The following KCNMA1 variants were observed in gnomAD, a reference collection of about 807,000 sequenced individuals.
KCNMA1 encodes potassium calcium-activated channel subfamily M alpha 1.
KCNMA1 carries 29 observed loss-of-function variants against 140.0 expected under a neutral mutation model. The observed-to-expected ratio is 0.21, with a 90% confidence interval of 0.15 to 0.28. The LOEUF is 0.28. Among genes scored for constraint, KCNMA1 ranks in the 10% least tolerant of loss-of-function variants. KCNMA1 has a pLI of 1.00. For synonymous variants in KCNMA1, 612 were observed against 611.9 expected, an observed-to-expected ratio of 1.00 and a Z score of 0.00; for missense variants, 880 against 1,602.2, an observed-to-expected ratio of 0.55 and a Z score of 7.70.
rs1037291485 is a variant in KCNMA1, at chr10:76,910,234, T to C, written c.3017-138A>G. On this transcript the variant is annotated intron_variant, in intron 24 of 27. Coordinates refer to ENST00000286628, the MANE Select transcript of KCNMA1 (RefSeq NM_001161352.2). ...AAGCATGGAATAAGCTGTAGATGGA[T>C]CTTTGGGTAAGGGGGGCAGTGGGAC... 18 of 936,996 alleles carry C rather than the reference T, an allele frequency of 1.9e-5. No individual in the cohort carries two copies. The Admixed American group carries it at 3.6e-4, about 19-fold the overall frequency. The allele number at this position is 936,996 out of a possible 1,614,324, so 58.0% of individuals were successfully genotyped here.
At chr10:77,050,586 T>G (rs1247771) in intron 14 of KCNMA1, among the ~76,000 whole-genome samples, 142,925 of 152,236 alleles carry the variant, frequency 0.94, 67,212 homozygotes, top group African/African-American at 0.98. Flanking sequence ...GTCACCCAAG[T>G]GTCTTGGCAA....
chr10:77,324,004 T>C (rs1357981855), intron 2 of KCNMA1, among the ~76,000 whole-genome samples: 1 of 152,212 alleles, frequency 6.6e-6, no homozygotes, highest in Non-Finnish European at 1.5e-5. Flanking sequence ...TTACCAGATC[T>C]AATTTGGGAA....
intron 29 of KCNMA1, chr10:76,877,949 C>T: frequency 1.3e-6 from 2 of 1,534,976 alleles, no homozygotes; most frequent in South Asian, 2.3e-5. Context: ...TTAATTAGTC[C>T]TAGGGTAAAG....
intron 2 of KCNMA1, among the ~76,000 whole-genome samples, chr10:77,361,911 T>C (rs2093983184): frequency 6.6e-6 from 1 of 152,108 alleles, no homozygotes; most frequent in South Asian, 2.1e-4. Flanking sequence ...AAATGGGAGC[T>C]GGTGATATGG....
At chr10:77,104,330 G>C (rs2097158784) in intron 9 of KCNMA1, among the ~76,000 whole-genome samples, 1 of 152,238 alleles carries the variant, frequency 6.6e-6, no homozygotes, top group South Asian at 2.1e-4. Flanking sequence ...TTCACAGGCA[G>C]CTTTCTTGAA....
At chr10:77,078,598 C>T (rs532478390) in intron 13 of KCNMA1, among the ~76,000 whole-genome samples, 7 of 152,342 alleles carry the variant, frequency 4.6e-5, no homozygotes, top group African/African-American at 1.4e-4. Context: ...TCCCACATTA[C>T]ACTCTTACAG....
At chr10:76,924,437 T>C (rs2057044485) in intron 23 of KCNMA1, among the ~76,000 whole-genome samples, 1 of 152,222 alleles carries the variant, frequency 6.6e-6, no homozygotes, top group African/African-American at 2.4e-5. Flanking sequence ...CATTTTCTTT[T>C]TGGTTTCTAT....
rs538026624 is a variant in KCNMA1, at chr10:77,637,082, G to C, written c.378+183C>G. 4.3e-5 allele frequency: 57 copies of C among 1,336,350 alleles called. No homozygotes were observed. The South Asian group carries it at 7.9e-4, about 19-fold the overall frequency. The allele number at this position is 1,336,350 out of a possible 1,614,324, so 82.8% of individuals were successfully genotyped here. A position where few individuals can be genotyped will look rare whatever the true frequency, so the allele number is the denominator to read the frequency against. On this transcript the variant is annotated intron_variant, in intron 1 of 27. Transcript: ENST00000286628. The stretch of plus-strand genomic sequence containing the variant: ...GGCTGGGGGCAACTCCTCACCCCCG[G>C]CGCGCCGCCCGCTGCCCCGATCCGA...
intron 1 of KCNMA1, among the ~76,000 whole-genome samples, chr10:77,426,988 G>T (rs1449041103): frequency 6.6e-6 from 1 of 152,194 alleles, no homozygotes; most frequent in African/African-American, 2.4e-5. Flanking sequence ...AATGTACTTT[G>T]ATATCCTGTA....
At chr10:77,378,392 G>T (rs535551473) in intron 2 of KCNMA1, among the ~76,000 whole-genome samples, 1 of 152,218 alleles carries the variant, frequency 6.6e-6, no homozygotes, top group African/African-American at 2.4e-5. Flanking sequence ...ACCCTTCAGG[G>T]AGAGGAAGGA....
intron 2 of KCNMA1, among the ~76,000 whole-genome samples, chr10:77,307,826 G>C (rs933296882): frequency 2.0e-5 from 3 of 152,178 alleles, no homozygotes; most frequent in African/African-American, 7.2e-5. Flanking sequence ...TGGGATTACA[G>C]GCATGAGCCA....
intron 2 of KCNMA1, among the ~76,000 whole-genome samples, chr10:77,267,691 GA>G (rs2154276355): frequency 6.6e-6 from 1 of 152,276 alleles, no homozygotes; most frequent in Non-Finnish European, 1.5e-5. Flanking sequence ...TTCTCTCCAA[GA>G]AAATTTTAAG....
At chr10:76,992,076 C>T (rs2082929566) in intron 19 of KCNMA1, among the ~76,000 whole-genome samples, 1 of 152,186 alleles carries the variant, frequency 6.6e-6, no homozygotes, top group Non-Finnish European at 1.5e-5. Context: ...GCTCTAGGAA[C>T]ATTTGGTGGG....
At chr10:77,399,517 C>A (rs185590322) in intron 2 of KCNMA1, among the ~76,000 whole-genome samples, 1 of 152,210 alleles carries the variant, frequency 6.6e-6, no homozygotes, top group Non-Finnish European at 1.5e-5. Context: ...CCCTCAGCCA[C>A]GTGCTCCAAG....
chr10:77,259,868 C>A (rs1379252363), intron 2 of KCNMA1, among the ~76,000 whole-genome samples: 1 of 152,164 alleles, frequency 6.6e-6, no homozygotes, highest in African/African-American at 2.4e-5. Flanking sequence ...TCTATGAAGG[C>A]CGGGTGTGTG....
chr10:77,590,854 GT>G (rs2078921077), intron 1 of KCNMA1, among the ~76,000 whole-genome samples: 1 of 152,204 alleles, frequency 6.6e-6, no homozygotes, highest in Admixed American at 6.5e-5. Flanking sequence ...AGCTGCTTCT[GT>G]ACCAGACACT....
At chr10:76,934,388 T>A (rs573991710) in intron 23 of KCNMA1, among the ~76,000 whole-genome samples, 4 of 152,176 alleles carry the variant, frequency 2.6e-5, no homozygotes, top group Non-Finnish European at 5.9e-5. Flanking sequence ...AGAGAATAGG[T>A]GAAGACAAAA....
chr10:77,211,125 A>G, intron 3 of KCNMA1, among the ~76,000 whole-genome samples: 1 of 152,008 alleles, frequency 6.6e-6, no homozygotes, highest in East Asian at 1.9e-4. Flanking sequence ...TAAACAACAA[A>G]AACAAAAACA....
intron 2 of KCNMA1, among the ~76,000 whole-genome samples, chr10:77,286,165 A>C (rs2070749824): frequency 6.6e-6 from 1 of 152,134 alleles, no homozygotes; most frequent in African/African-American, 2.4e-5. Context: ...TTTTAAATTG[A>C]ACTTTATTTC....
Sources: gnomAD v4.1 joint callset for allele counts (sites outside exome capture counted in the v4.1 genomes callset) on GRCh38, gnomAD v4.1.1 for gene constraint, MANE v1.5 for transcripts, NCBI Gene and HGNC (gene_info 2026-07-23, HGNC 2026-07-21) for gene names.